SUPT5H: variants seen among roughly 807,000 people sequenced by gnomAD.
The protein encoded by SUPT5H is SPT5 homolog, DSIF elongation factor subunit, also known as transcription elongation factor SPT5.
Under a neutral mutation model 142.5 loss-of-function variants are expected in SUPT5H, and 24 were observed. That is an observed-to-expected ratio of 0.17 (90% CI 0.12 to 0.24). The LOEUF (loss-of-function observed/expected upper bound fraction) is 0.24, where lower values mean the gene tolerates loss of function less well. SUPT5H is among the 10% of genes least tolerant of loss of function. The probability of loss-of-function intolerance (pLI) is 1.00; values close to 1 mark genes in which losing one functional copy is unlikely to be tolerated. For synonymous variants in SUPT5H, 546 were observed against 553.0 expected, an observed-to-expected ratio of 0.99 and a Z score of 0.18; for missense variants, 893 against 1,471.8, an observed-to-expected ratio of 0.61 and a Z score of 6.43.
In SUPT5H at chr19:39,446,905, A is replaced by C. The variant is rs114615233; in HGVS notation, c.75+940A>C. 5.8e-3 allele frequency among the ~76,000 whole-genome samples: 879 copies of C among 152,326 alleles called. 12 individuals carry two copies. Among genetic ancestry groups the C allele is most frequent in the African/African-American group, 0.02 (850 of 41,580 alleles). ...CCACCTGTAATCCCAGCTACTCGGG[A>C]GGCTGAAGCTGAGAATCGCTTGAAC... On this transcript the variant is annotated intron_variant, in intron 2 of 29. Coordinates refer to ENST00000432763, the MANE Select transcript of SUPT5H (RefSeq NM_001111020.3).
At position 39,470,275 on chromosome 19, in the gene SUPT5H, G is replaced by T; in HGVS notation, c.1530+1G>T. The T allele has an allele frequency of 6.4e-7, 1 of 1,565,698 alleles. No individual in the cohort carries two copies. The highest frequency in any genetic ancestry group is 8.7e-7 in the Non-Finnish European group (1 of 1,149,666). On this transcript the variant is annotated splice_donor_variant, in intron 17 of 29. Transcript: ENST00000432763. LOFTEE classifies it high-confidence loss of function. The surrounding 1 kb of genome is among the most constrained non-coding windows in gnomAD (Gnocchi z 5.8). ...GTTCTCTGACCTCACCATGCATGAG[G>T]TAGGTGGATAGAAGGGTCGGGGAAG...
rs750862136 is a variant in SUPT5H at position 39,472,798 on chromosome 19, C to T, written c.2036-12C>T. On this transcript the variant is annotated splice_polypyrimidine_tract_variant and intron_variant, in intron 21 of 29. Coordinates refer to ENST00000432763, the MANE Select transcript of SUPT5H (RefSeq NM_001111020.3). The surrounding 1 kb of genome is among the most constrained non-coding windows in gnomAD (Gnocchi z 4.2). ...GCCGTGGGGGACCAGTGACATTCTC[C>T]CCAATCCCCAGGTCAGCGTGGCGGC... 1.9e-6 allele frequency: 3 copies of T among 1,608,792 alleles called. No homozygotes were observed. Among genetic ancestry groups the T allele is most frequent in the African/African-American group, 1.3e-5 (1 of 74,890 alleles).
intron 2 of SUPT5H, among the ~76,000 whole-genome samples, chr19:39,451,965 G>T (rs1214171591): frequency 6.6e-6 from 1 of 152,192 alleles, no homozygotes; most frequent in Non-Finnish European, 1.5e-5. Flanking sequence ...GTTGTTTCTG[G>T]TATGGAAAGA....
intron 11 of SUPT5H, 146 bp downstream of exon 11, chr19:39,465,195 A>G: frequency 3.2e-6 from 4 of 1,251,660 alleles, no homozygotes; most frequent in Non-Finnish European, 3.3e-6. Flanking sequence ...TTGTGAGCAC[A>G]CAGGAAACGG....
Position 39,473,244 on chromosome 19 carries a change from GGACGCCCATGTATGGCTCCCA to G in SUPT5H, c.2319_2339del (p.Gln774_Ser780del), listed in dbSNP as rs1486206860. The G allele has an allele frequency of 1.1e-5, 17 of 1,613,472 alleles. No individual in the cohort carries two copies. Among genetic ancestry groups the G allele is most frequent in the East Asian group, 4.5e-5 (2 of 44,884 alleles). On this transcript the variant is annotated inframe_deletion, in exon 24 of 30. Coordinates refer to ENST00000432763, the MANE Select transcript of SUPT5H (RefSeq NM_001111020.3). The surrounding 1 kb of genome is among the most constrained non-coding windows in gnomAD (Gnocchi z 5.8). ...GGCGGCATGACCTCGACCTATGGGA[GGACGCCCATGTATGGCTCCCA>G]GACGCCCATGTATGGCTCTGGCTCC...
intron 11 of SUPT5H, among the ~76,000 whole-genome samples, chr19:39,465,687 C>T (rs1489590560): frequency 6.6e-6 from 1 of 152,174 alleles, no homozygotes; most frequent in African/African-American, 2.4e-5. Context: ...AAAAAATTAC[C>T]TGGCCCAAAA....
At position 39,445,889 on chromosome 19, in the gene SUPT5H, A is replaced by G. The variant is rs1478654993; in HGVS notation, c.-2A>G. The G allele has an allele frequency of 3.7e-6, 6 of 1,613,642 alleles. No individual in the cohort carries two copies. Among genetic ancestry groups the G allele is most frequent in the Non-Finnish European group, 5.1e-6 (6 of 1,179,986 alleles). On this transcript the variant is annotated 5_prime_UTR_variant, in exon 2 of 30. Transcript: ENST00000432763. Reference sequence around the variant, plus strand: ...TGCTGTCTTTCCCAGCAGCAGCGGAAGATGTCGGACAGCGAGGACAGCAAC... The same window carrying G: ...TGCTGTCTTTCCCAGCAGCAGCGGAGGATGTCGGACAGCGAGGACAGCAAC...
In SUPT5H at chr19:39,469,016, A is replaced by C. The variant is rs767750516; in HGVS notation, c.1144-63A>C. 6 of 1,590,998 alleles carry C rather than the reference A, an allele frequency of 3.8e-6. No individual in the cohort carries two copies. Among genetic ancestry groups the C allele is most frequent in the Non-Finnish European group, 5.2e-6 (6 of 1,160,796 alleles). On this transcript the variant is annotated intron_variant, in intron 14 of 29. Coordinates refer to ENST00000432763, the MANE Select transcript of SUPT5H (RefSeq NM_001111020.3). The surrounding 1 kb of genome is among the most constrained non-coding windows in gnomAD (Gnocchi z 5.1). Reference sequence around the variant, plus strand: ...CCCCTAGGACCCACTCAGCCCACTCAGCTGGGCTGTTGCACTGACCTCGGT... The same window carrying C: ...CCCCTAGGACCCACTCAGCCCACTCCGCTGGGCTGTTGCACTGACCTCGGT...
intron 11 of SUPT5H, 56 bp downstream of exon 11, chr19:39,465,105 C>T: frequency 6.4e-7 from 1 of 1,562,964 alleles, no homozygotes; most frequent in South Asian, 1.2e-5. Context: ...TTCTCCCTTC[C>T]TTTCCTTTTG....
At chr19:39,446,051 C>T in intron 2 of SUPT5H, 86 bp downstream of exon 2, 2 of 1,424,564 alleles carry the variant, frequency 1.4e-6, no homozygotes, top group Non-Finnish European at 1.9e-6. Flanking sequence ...TCGAGGGGTT[C>T]ACAGCGGGCT....
chr19:39,449,727 C>T (rs1017130623), intron 2 of SUPT5H, among the ~76,000 whole-genome samples: 4 of 151,394 alleles, frequency 2.6e-5, no homozygotes, highest in African/African-American at 9.7e-5. Context: ...CTGCAGCCTC[C>T]ACCTCACGGT....
rs952732634 is a variant in SUPT5H at position 39,469,945 on chromosome 19, T to G, written c.1375-174T>G. 2.4e-5 allele frequency: 19 copies of G among 800,422 alleles called. 1 individual carries two copies. In the Admixed American group the frequency reaches 3.7e-4, roughly 16 times the overall value. 49.6% of individuals were successfully genotyped at this position (800,422 alleles called of 1,614,324 possible). A position where few individuals can be genotyped will look rare whatever the true frequency, so the allele number is the denominator to read the frequency against. The stretch of plus-strand genomic sequence containing the variant: ...TTGGTGTCCTGTGTCTGGGGTCAGC[T>G]GTTTCTGGGGCAGTCTGAGGGGTCG... On this transcript the variant is annotated intron_variant, in intron 16 of 29. Transcript: ENST00000432763. The surrounding 1 kb of genome is among the most constrained non-coding windows in gnomAD (Gnocchi z 5.1).
intron 2 of SUPT5H, among the ~76,000 whole-genome samples, chr19:39,450,882 A>G (rs1342067356): frequency 6.6e-6 from 1 of 152,212 alleles, no homozygotes; most frequent in Admixed American, 6.5e-5. Context: ...AGCCTGCAGC[A>G]GGCAGCAGTA....
At chr19:39,448,828 G>A (rs1600691845) in intron 2 of SUPT5H, among the ~76,000 whole-genome samples, 1 of 152,040 alleles carries the variant, frequency 6.6e-6, no homozygotes, top group East Asian at 1.9e-4. Context: ...GGGTGTGGTG[G>A]CTCACGCCTG....
Position 39,453,351 on chromosome 19 carries a change from T to C in SUPT5H, c.76-5T>C. On this transcript the variant is annotated splice_polypyrimidine_tract_variant and splice_region_variant and intron_variant, in intron 2 of 29. Coordinates refer to ENST00000432763, the MANE Select transcript of SUPT5H (RefSeq NM_001111020.3). ...TGGTGCTACAACCCTGCCTGACCCC[T>C]GTAGGTAGACGAAGAGCGGCGGAGT... 1.9e-6 allele frequency: 3 copies of C among 1,601,942 alleles called. No individual in the cohort carries two copies. The highest frequency in any genetic ancestry group is 2.6e-6 in the Non-Finnish European group (3 of 1,173,808).
intron 10 of SUPT5H, among the ~76,000 whole-genome samples, chr19:39,462,422 A>C (rs1449532736): frequency 2.0e-5 from 3 of 152,132 alleles, no homozygotes; most frequent in Non-Finnish European, 2.9e-5. Context: ...TGGAACTCTG[A>C]ATGGTTCATA....
In SUPT5H at chr19:39,469,803, G is replaced by T. The variant is rs984710892; in HGVS notation, c.1375-316G>T. On this transcript the variant is annotated intron_variant, in intron 16 of 29. Coordinates refer to ENST00000432763, the MANE Select transcript of SUPT5H (RefSeq NM_001111020.3). This position sits in a 1 kb window ranked among gnomAD's most constrained non-coding sequence, Gnocchi z 5.1. The stretch of plus-strand genomic sequence containing the variant: ...TGATGTGTGGGGTGAGGCTGTCTCC[G>T]GGTGGGGCTGAGGAGCTGTCCAGTC... 7.6e-5 allele frequency: 36 copies of T among 471,500 alleles called. 1 individual carries two copies. Among genetic ancestry groups the T allele is most frequent in the South Asian group, 7.4e-4 (32 of 43,098 alleles). 29.2% of individuals were successfully genotyped at this position (471,500 alleles called of 1,614,324 possible).
chr19:39,464,603 A>AT (rs968229762), intron 10 of SUPT5H, among the ~76,000 whole-genome samples, 195 bp from the exon 11 acceptor site: 14 of 152,220 alleles, frequency 9.2e-5, no homozygotes, highest in African/African-American at 3.4e-4. Context: ...GTTTCTGGAT[A>AT]TTTTTAAAAT....
Position 39,468,830 on chromosome 19 carries a change from T to C in SUPT5H, c.1112T>C (p.Phe371Ser). The part of the protein sequence containing the change: ...FEGNRYSRKG[F>S]LFKSFAMSAV... ...GGGAACCGTTACAGCCGGAAGGGCT[T>C]TCTGTTCAAGAGCTTCGCCATGTCT... The change falls in exon 14 of 30, where the codon TTT (phenylalanine) becomes TCT (serine). Residue 371 changes from phenylalanine to serine, a missense_variant. Transcript: ENST00000432763. 1 of 1,614,152 alleles carries C rather than the reference T, an allele frequency of 6.2e-7. No individual in the cohort carries two copies. The highest frequency in any genetic ancestry group is 1.3e-5 in the African/African-American group (1 of 75,028).
Sources: allele counts gnomAD v4.1 joint callset (sites outside exome capture counted in the v4.1 genomes callset), GRCh38; gene constraint gnomAD v4.1.1; non-coding constraint Gnocchi (gnomAD v3.1); transcripts MANE v1.5; gene names NCBI Gene and HGNC (gene_info 2026-07-23, HGNC 2026-07-21).